Variants in MAN1C1 observed in about 807,000 individuals in gnomAD.
The protein encoded by MAN1C1 is mannosyl-oligosaccharide 1,2-alpha-mannosidase IC.
MAN1C1 carries 49 observed loss-of-function variants against 71.5 expected under a neutral mutation model. That is an observed-to-expected ratio of 0.69 (90% CI 0.54 to 0.87). The LOEUF (loss-of-function observed/expected upper bound fraction) is 0.87. MAN1C1 is among the 40% of genes least tolerant of loss of function. The pLI, the probability that MAN1C1 is intolerant of heterozygous loss-of-function variation, is 0.00. For missense variants in MAN1C1, 743 were observed against 835.0 expected (o/e 0.89, Z 1.36); for synonymous variants, 352 against 343.7 (o/e 1.02, Z -0.27).
intron 5 of MAN1C1, 76 bp from the exon 6 acceptor site, chr1:25,758,516 G>A: frequency 7.7e-7 from 1 of 1,294,186 alleles, no homozygotes; most frequent in Non-Finnish European, 1.1e-6. Flanking sequence ...CCCCCACCGA[G>A]CAGCTGCTGT....
chr1:25,632,408 C>T (rs1165881302), intron 1 of MAN1C1, among the ~76,000 whole-genome samples: 1 of 152,064 alleles, frequency 6.6e-6, no homozygotes, highest in Non-Finnish European at 1.5e-5. Flanking sequence ...CTTGGTTAAT[C>T]TAGCTAATGG....
chr1:25,678,200 C>T (rs866493632), intron 1 of MAN1C1, among the ~76,000 whole-genome samples: 2 of 152,098 alleles, frequency 1.3e-5, no homozygotes, highest in Non-Finnish European at 2.9e-5. Flanking sequence ...TGCCTTTCCA[C>T]CTAATAATAT....
In MAN1C1 at chr1:25,639,589, C is replaced by T. The variant is rs576398319; in HGVS notation, c.540+21252C>T. ...CCTTCCTTTGTTATTTTCTAACCTG[C>T]GGTTGGCTAGGAAACTATTTAATCT... On this transcript the variant is annotated intron_variant, in intron 1 of 11. Coordinates refer to ENST00000374332, the MANE Select transcript of MAN1C1 (RefSeq NM_020379.4). Among the ~76,000 whole-genome samples the T allele has an allele frequency of 3.0e-3, 455 of 152,172 alleles. 2 individuals carry two copies. The highest frequency in any genetic ancestry group is 4.6e-3 in the Non-Finnish European group (313 of 67,972).
intron 1 of MAN1C1, among the ~76,000 whole-genome samples, chr1:25,633,213 C>G (rs991979205): frequency 2.6e-5 from 4 of 152,174 alleles, no homozygotes; most frequent in Non-Finnish European, 4.4e-5. Context: ...TGTGTCCTAT[C>G]ATATGGTCTA....
At chr1:25,755,755 GT>G (rs2047277059) in intron 5 of MAN1C1, among the ~76,000 whole-genome samples, 1 of 152,192 alleles carries the variant, frequency 6.6e-6, no homozygotes, top group South Asian at 2.1e-4. Flanking sequence ...ATACTCATGA[GT>G]GTACCTGCCT....
intron 1 of MAN1C1, among the ~76,000 whole-genome samples, chr1:25,656,095 C>CTGTTTTTTTTTTTTTTTTT (rs2045760978): frequency 4.0e-5 from 3 of 74,988 alleles, no homozygotes; most frequent in East Asian, 4.9e-4. Flanking sequence ...GATTATCAGT[C>CTGTTTTTTTTTTTTTTTTT]TTTTTTTTTT....
chr1:25,688,626 G>A (rs1047360527), intron 2 of MAN1C1, among the ~76,000 whole-genome samples: 9 of 152,192 alleles, frequency 5.9e-5, no homozygotes, highest in African/African-American at 9.6e-5. Flanking sequence ...GCATGCTTGA[G>A]CCGTCTGGAA....
chr1:25,741,781 C>A (rs1405625179), intron 2 of MAN1C1, among the ~76,000 whole-genome samples: 3 of 152,164 alleles, frequency 2.0e-5, no homozygotes, highest in Non-Finnish European at 4.4e-5. Flanking sequence ...GAGGTGGGCC[C>A]TAGATTTCCA....
Position 25,725,449 on chromosome 1 carries a change from C to T in MAN1C1, c.638-21219C>T, listed in dbSNP as rs1325655273. Among the ~76,000 whole-genome samples the T allele has an allele frequency of 2.6e-5, 4 of 152,182 alleles. No homozygotes were observed. Among genetic ancestry groups the T allele is most frequent in the African/African-American group, 9.7e-5 (4 of 41,440 alleles). On this transcript the variant is annotated intron_variant, in intron 2 of 11. Coordinates refer to ENST00000374332, the MANE Select transcript of MAN1C1 (RefSeq NM_020379.4). The surrounding 1 kb of genome is among the most constrained non-coding windows in gnomAD (Gnocchi z 4.8). ...ACTGATTCTGCCTCTGGGAACTTCACAGAGCAGGTTACGTTGAGCTGGGCT... is the reference window on the plus strand; with the variant it reads ...ACTGATTCTGCCTCTGGGAACTTCATAGAGCAGGTTACGTTGAGCTGGGCT...
chr1:25,682,255 A>T (rs1163745598), intron 1 of MAN1C1, among the ~76,000 whole-genome samples: 1 of 152,222 alleles, frequency 6.6e-6, no homozygotes, highest in African/African-American at 2.4e-5. Flanking sequence ...AAGTCTGCAG[A>T]TTATGCAAAG....
At chr1:25,680,425 C>G (rs1453298946) in intron 1 of MAN1C1, among the ~76,000 whole-genome samples, 2 of 152,180 alleles carry the variant, frequency 1.3e-5, no homozygotes, top group African/African-American at 4.8e-5. Context: ...AGAAAAATTT[C>G]ATTACTCTGA....
At chr1:25,742,195 C>T (rs2047071704) in intron 2 of MAN1C1, among the ~76,000 whole-genome samples, 1 of 152,212 alleles carries the variant, frequency 6.6e-6, no homozygotes. Flanking sequence ...GAGAAGACCA[C>T]ACTTGCCAAG....
intron 1 of MAN1C1, among the ~76,000 whole-genome samples, chr1:25,624,356 G>A (rs566322883): frequency 6.6e-6 from 1 of 152,268 alleles, no homozygotes; most frequent in South Asian, 2.1e-4. Flanking sequence ...GAGAATAGAA[G>A]CCACAGAGAC....
At chr1:25,642,445 C>G (rs1455889479) in intron 1 of MAN1C1, among the ~76,000 whole-genome samples, 1 of 152,194 alleles carries the variant, frequency 6.6e-6, no homozygotes, top group Non-Finnish European at 1.5e-5. Flanking sequence ...AATTGCTGAC[C>G]TGGGTTGATC....
At chr1:25,754,763 C>T (rs942249490) in intron 5 of MAN1C1, among the ~76,000 whole-genome samples, 3 of 152,184 alleles carry the variant, frequency 2.0e-5, no homozygotes, top group Non-Finnish European at 2.9e-5. Flanking sequence ...TCTTCTGTCC[C>T]CAGCCCTTCC....
intron 5 of MAN1C1, 78 bp from the exon 6 acceptor site, chr1:25,758,514 G>T: frequency 1.6e-6 from 2 of 1,277,842 alleles, no homozygotes; most frequent in South Asian, 1.2e-5. Context: ...TGCCCCCACC[G>T]AGCAGCTGCT....
rs555834466 is a variant in MAN1C1 at position 25,746,765 on chromosome 1, G to A, written c.735G>A (p.Glu245=). The change falls in exon 3 of 12, where the codon GAG becomes GAA. Residue 245 remains glutamate (E), a synonymous_variant. Transcript: ENST00000374332. This position sits in a 1 kb window ranked among gnomAD's most constrained non-coding sequence, Gnocchi z 4.0. ...AGGAGGCCAAGGCCTGGGTGGGAGA[G>A]AGCTTCCACCTGAACGTGGTGAGTC... ...EFQEAKAWVG[E]SFHLNVSGEA... The A allele has an allele frequency of 1.9e-5, 27 of 1,433,852 alleles. No individual in the cohort carries two copies. In the South Asian group the frequency reaches 2.7e-4, roughly 14 times the overall value. 88.8% of individuals were successfully genotyped at this position (1,433,852 alleles called of 1,614,324 possible).
chr1:25,649,575 A>G (rs1325577111), intron 1 of MAN1C1, among the ~76,000 whole-genome samples: 2 of 152,178 alleles, frequency 1.3e-5, no homozygotes, highest in African/African-American at 4.8e-5. Flanking sequence ...TCCTTTGTCC[A>G]TATTAGCGGA....
chr1:25,746,255 A>C lies in MAN1C1; in HGVS notation c.638-413A>C, dbSNP rs2047126629. ...GGGAGGCAGAGGTTGGAGTGAGCCG[A>C]GATCGCACCATTGCACTCCAGACTG... is the stretch of plus-strand genomic sequence containing the variant. On this transcript the variant is annotated intron_variant, in intron 2 of 11. Coordinates refer to ENST00000374332, the MANE Select transcript of MAN1C1 (RefSeq NM_020379.4). This position sits in a 1 kb window ranked among gnomAD's most constrained non-coding sequence, Gnocchi z 4.0. 6.6e-6 allele frequency among the ~76,000 whole-genome samples: 1 copy of C among 152,218 alleles called. No individual in the cohort carries two copies. The highest frequency in any genetic ancestry group is 1.5e-5 in the Non-Finnish European group (1 of 68,038).
Sources: allele counts gnomAD v4.1 joint callset (sites outside exome capture counted in the v4.1 genomes callset), GRCh38; gene constraint gnomAD v4.1.1; non-coding constraint Gnocchi (gnomAD v3.1); transcripts MANE v1.5; gene names NCBI Gene and HGNC (gene_info 2026-07-23, HGNC 2026-07-21).